TAFA1: variants seen among roughly 807,000 people sequenced by gnomAD.
TAFA1 encodes the protein TAFA chemokine like family member 1, also known as chemokine-like protein TAFA-1.
TAFA1 carries 4 observed loss-of-function variants against 18.5 expected under a neutral mutation model. The observed-to-expected ratio is 0.22, with a 90% CI of 0.11 to 0.49. TAFA1 has a LOEUF of 0.49. TAFA1 is among the 20% of genes least tolerant of loss of function. The probability of loss-of-function intolerance (pLI) is 0.98; values close to 1 mark genes in which losing one functional copy is unlikely to be tolerated. For synonymous variants in TAFA1, 56 were observed against 55.2 expected (o/e 1.01, Z -0.06); for missense variants, 147 against 169.0 (o/e 0.87, Z 0.72).
chr3:68,082,243 C>T (rs1407660693), intron 2 of TAFA1, among the ~76,000 whole-genome samples: 2 of 152,218 alleles, frequency 1.3e-5, no homozygotes, highest in Non-Finnish European at 2.9e-5. Context: ...AACCCGGTAC[C>T]TCAGATGGAA....
At chr3:68,275,874 T>C (rs1003616273) in intron 2 of TAFA1, among the ~76,000 whole-genome samples, 3 of 152,124 alleles carry the variant, frequency 2.0e-5, no homozygotes, top group Non-Finnish European at 4.4e-5. Context: ...CAAATGCGAC[T>C]ACCTAACTGA....
chr3:68,496,158 C>T (rs142062283), intron 3 of TAFA1, among the ~76,000 whole-genome samples: 2,070 of 152,136 alleles, frequency 0.014, 57 homozygotes, highest in Non-Finnish European at 0.013. Context: ...GAAAGATCAG[C>T]GTTAACGAGA....
chr3:68,340,013 C>T (rs2069053026), intron 2 of TAFA1, among the ~76,000 whole-genome samples: 1 of 152,156 alleles, frequency 6.6e-6, no homozygotes, highest in Non-Finnish European at 1.5e-5. Context: ...TTATTTTCTT[C>T]TAATTATTTT....
chr3:68,239,331 C>T (rs1028030175), intron 2 of TAFA1, among the ~76,000 whole-genome samples: 14 of 152,074 alleles, frequency 9.2e-5, no homozygotes, highest in Admixed American at 7.2e-4. Flanking sequence ...AACTCAGGAG[C>T]GCTGAATTTA....
At chr3:68,216,309 A>T (rs2066656788) in intron 2 of TAFA1, among the ~76,000 whole-genome samples, 1 of 152,074 alleles carries the variant, frequency 6.6e-6, no homozygotes, top group Admixed American at 6.6e-5. Context: ...ATGTTTGCAG[A>T]TTTTTAAAAA....
chr3:68,427,083 C>G (rs185920011), intron 3 of TAFA1, among the ~76,000 whole-genome samples: 2 of 151,762 alleles, frequency 1.3e-5, no homozygotes, highest in African/African-American at 4.8e-5. Flanking sequence ...CATGGCACAG[C>G]ACACCCAAAA....
chr3:68,487,569 A>C (rs867525142), intron 3 of TAFA1, among the ~76,000 whole-genome samples: 1 of 151,864 alleles, frequency 6.6e-6, no homozygotes. Context: ...AACACGGTGA[A>C]ACCCTGTCTC....
At chr3:68,469,608 G>T (rs1281691922) in intron 3 of TAFA1, among the ~76,000 whole-genome samples, 1 of 152,128 alleles carries the variant, frequency 6.6e-6, no homozygotes, top group Non-Finnish European at 1.5e-5. Context: ...GGGAGGTGGA[G>T]CTTGCAGTGA....
intron 3 of TAFA1, among the ~76,000 whole-genome samples, chr3:68,458,221 C>A (rs1227259584): frequency 6.6e-6 from 1 of 152,080 alleles, no homozygotes; most frequent in Non-Finnish European, 1.5e-5. Flanking sequence ...CCTTCTCCAG[C>A]CATGTAGGAC....
At chr3:68,445,191 G>A (rs2071454296) in intron 3 of TAFA1, among the ~76,000 whole-genome samples, 1 of 152,084 alleles carries the variant, frequency 6.6e-6, no homozygotes. Context: ...TGCAGAATTA[G>A]CTGGTTTACT....
chr3:68,399,298 A>G (rs963989501), intron 2 of TAFA1, among the ~76,000 whole-genome samples: 1 of 152,192 alleles, frequency 6.6e-6, no homozygotes, highest in Non-Finnish European at 1.5e-5. Context: ...TTGGGATTTG[A>G]ACCCCTGTTT....
intron 2 of TAFA1, among the ~76,000 whole-genome samples, chr3:68,258,454 A>G (rs1199203373): frequency 6.6e-6 from 1 of 152,166 alleles, no homozygotes; most frequent in African/African-American, 2.4e-5. Flanking sequence ...CCCTTTTTAC[A>G]AAATTATGAT....
chr3:68,024,805 G>GCGCACACA (rs911558044), intron 2 of TAFA1, among the ~76,000 whole-genome samples: 5 of 73,582 alleles, frequency 6.8e-5, no homozygotes, highest in Non-Finnish European at 1.4e-4. Flanking sequence ...TCTCCTTAAT[G>GCGCACACA]CACACACACA....
intron 2 of TAFA1, among the ~76,000 whole-genome samples, chr3:68,156,816 A>G (rs796508795): frequency 2.0e-5 from 3 of 152,208 alleles, no homozygotes; most frequent in African/African-American, 7.2e-5. Flanking sequence ...AATTAATGCC[A>G]TCCTTATCTT....
At chr3:68,222,446 TC>T (rs1372751773) in intron 2 of TAFA1, among the ~76,000 whole-genome samples, 1 of 152,178 alleles carries the variant, frequency 6.6e-6, no homozygotes, top group African/African-American at 2.4e-5. Context: ...TCTTCATATA[TC>T]CCCCTCCTCT....
At chr3:68,081,352 G>T (rs2064897002) in intron 2 of TAFA1, among the ~76,000 whole-genome samples, 1 of 152,114 alleles carries the variant, frequency 6.6e-6, no homozygotes, top group African/African-American at 2.4e-5. Context: ...TCCGTTGCTG[G>T]TGAGGACCTG....
chr3:68,312,956 C>T (rs2068544969), intron 2 of TAFA1, among the ~76,000 whole-genome samples: 2 of 152,186 alleles, frequency 1.3e-5, no homozygotes, highest in African/African-American at 2.4e-5. Flanking sequence ...AAGAGAAAAA[C>T]GAGCAAGTCA....
At chr3:68,425,136 G>C (rs1166199250) in intron 3 of TAFA1, among the ~76,000 whole-genome samples, 1 of 151,906 alleles carries the variant, frequency 6.6e-6, no homozygotes, top group Non-Finnish European at 1.5e-5. Flanking sequence ...AGCAAGCCTA[G>C]TATGAAAAAC....
At chr3:68,072,648 G>C (rs2064771593) in intron 2 of TAFA1, among the ~76,000 whole-genome samples, 1 of 152,312 alleles carries the variant, frequency 6.6e-6, no homozygotes, top group South Asian at 2.1e-4. Flanking sequence ...CGACGAGCCA[G>C]GTTTCTGTTT....
Sources: allele counts gnomAD v4.1 joint callset (sites outside exome capture counted in the v4.1 genomes callset), GRCh38; gene constraint gnomAD v4.1.1; transcripts MANE v1.5; gene names NCBI Gene and HGNC (gene_info 2026-07-23, HGNC 2026-07-21).